The following SF3B1 variants were observed in gnomAD, a reference collection of about 807,000 sequenced individuals.
The protein encoded by SF3B1 is splicing factor 3b subunit 1.
SF3B1 carries 12 observed loss-of-function variants against 153.8 expected under a neutral mutation model. That is an observed-to-expected ratio of 0.08 (90% CI 0.05 to 0.13). SF3B1 has a LOEUF of 0.13. SF3B1 is among the 10% of genes least tolerant of loss of function. SF3B1 has a pLI of 1.00. For missense variants in SF3B1, 513 were observed against 1,606.1 expected, an observed-to-expected ratio of 0.32 and a Z score of 11.63; for synonymous variants, 498 against 525.2, an observed-to-expected ratio of 0.95 and a Z score of 0.71.
intron 11 of SF3B1, 106 bp from the exon 12 acceptor site, chr2:197,403,870 A>G: frequency 1.3e-6 from 1 of 778,232 alleles, no homozygotes; most frequent in South Asian, 1.9e-5. Flanking sequence ...TTTAGTGTTT[A>G]CTTTTACACA....
At chr2:197,417,875 T>C (rs1429943678) in intron 5 of SF3B1, among the ~76,000 whole-genome samples, 1 of 152,102 alleles carries the variant, frequency 6.6e-6, no homozygotes, top group Non-Finnish European at 1.5e-5. Flanking sequence ...AATCTCACAC[T>C]GAACTCTGAC....
chr2:197,433,678 C>T (rs1180223293), intron 1 of SF3B1, among the ~76,000 whole-genome samples: 3 of 152,208 alleles, frequency 2.0e-5, no homozygotes, highest in African/African-American at 7.2e-5. Context: ...CTCTGGGTGA[C>T]CCAACTATTC....
chr2:197,411,395 C>T (rs563627971), intron 6 of SF3B1, among the ~76,000 whole-genome samples: 2 of 151,434 alleles, frequency 1.3e-5, no homozygotes, highest in South Asian at 4.2e-4. Context: ...AGCTCTTGGC[C>T]GGGTGCGGTG....
chr2:197,414,764 C>T (rs1013846319), intron 6 of SF3B1, among the ~76,000 whole-genome samples: 1 of 152,044 alleles, frequency 6.6e-6, no homozygotes, highest in African/African-American at 2.4e-5. Flanking sequence ...CAGCACTTTG[C>T]AAGGCTGAGG....
At chr2:197,431,726 T>C (rs1351451640) in intron 1 of SF3B1, among the ~76,000 whole-genome samples, 1 of 152,156 alleles carries the variant, frequency 6.6e-6, no homozygotes, top group Non-Finnish European at 1.5e-5. Context: ...CTCAGCTTTT[T>C]CATTAAACAA....
At chr2:197,408,919 T>C (rs2085028498) in intron 7 of SF3B1, among the ~76,000 whole-genome samples, 1 of 151,996 alleles carries the variant, frequency 6.6e-6, no homozygotes, top group Non-Finnish European at 1.5e-5. Context: ...CAAGACTCCA[T>C]CTCAACAACA....
At position 197,392,429 on chromosome 2, in the gene SF3B1, A is replaced by G. The variant is rs2105973778; in HGVS notation, c.3789T>C (p.Asp1263=). 3.1e-6 allele frequency: 5 copies of G among 1,610,468 alleles called. No individual in the cohort carries two copies. Among genetic ancestry groups the G allele is most frequent in the Non-Finnish European group, 4.2e-6 (5 of 1,177,778 alleles). ...GLFHPARKVR[D]VYWKIYNSIY... Reference sequence around the variant, plus strand: ...TGGAGTTGTAAATTTTCCAATATACATCTCTGACTTTCCGGGCTGGGTGAA... The same window carrying G: ...TGGAGTTGTAAATTTTCCAATATACGTCTCTGACTTTCCGGGCTGGGTGAA... Residue 1263 remains aspartate (D), a synonymous_variant, in exon 25 of 25, where the codon GAT becomes GAC. Transcript: ENST00000335508.
At chr2:197,425,190 G>A (rs1462621299) in intron 1 of SF3B1, among the ~76,000 whole-genome samples, 1 of 152,144 alleles carries the variant, frequency 6.6e-6, no homozygotes. Context: ...ATTAGGCCGG[G>A]CGCAGTGGCT....
intron 1 of SF3B1, among the ~76,000 whole-genome samples, chr2:197,426,769 T>C (rs1300612181): frequency 1.3e-5 from 2 of 152,152 alleles, no homozygotes; most frequent in Non-Finnish European, 2.9e-5. Context: ...CTATTTTACC[T>C]GGCCCTTCAC....
At chr2:197,398,721 G>C in intron 20 of SF3B1, 140 bp from the exon 21 acceptor site, 1 of 760,272 alleles carries the variant, frequency 1.3e-6, no homozygotes, top group South Asian at 1.9e-5. Flanking sequence ...CCCAGATTCT[G>C]ACCAGACTCA....
intron 1 of SF3B1, among the ~76,000 whole-genome samples, chr2:197,428,562 T>C (rs998002335): frequency 3.9e-5 from 6 of 152,106 alleles, no homozygotes; most frequent in African/African-American, 1.4e-4. Flanking sequence ...AATATGCAAA[T>C]AGATCATTTC....
chr2:197,414,401 A>G (rs2085117443), intron 6 of SF3B1, among the ~76,000 whole-genome samples: 1 of 152,160 alleles, frequency 6.6e-6, no homozygotes, highest in Non-Finnish European at 1.5e-5. Flanking sequence ...CAGCACTACT[A>G]TAACACCCCA....
intron 9 of SF3B1, among the ~76,000 whole-genome samples, chr2:197,407,325 C>T (rs1574533618): frequency 6.6e-6 from 1 of 152,150 alleles, no homozygotes; most frequent in Middle Eastern, 3.4e-3. Context: ...GATAAAAAGG[C>T]CAGGCACGGT....
At chr2:197,427,352 G>A (rs1218816464) in intron 1 of SF3B1, among the ~76,000 whole-genome samples, 2 of 152,168 alleles carry the variant, frequency 1.3e-5, no homozygotes, top group Non-Finnish European at 2.9e-5. Context: ...AGTCCAAACA[G>A]CTTAATGGGC....
chr2:197,424,125 A>G, intron 1 of SF3B1, 151 bp from the exon 2 acceptor site: 2 of 686,276 alleles, frequency 2.9e-6, no homozygotes, highest in Admixed American at 3.3e-5. Flanking sequence ...TAATCACAAC[A>G]GCGTAAGCAA....
At position 197,401,063 on chromosome 2, in the gene SF3B1, T is replaced by C. The variant is rs1346847936; in HGVS notation, c.2497-127A>G. 20 of 640,148 alleles carry C rather than the reference T, an allele frequency of 3.1e-5. No homozygotes were observed. The highest frequency in any genetic ancestry group is 4.8e-5 in the Non-Finnish European group (18 of 373,846). 39.7% of individuals were successfully genotyped at this position (640,148 alleles called of 1,614,324 possible). On this transcript the variant is annotated intron_variant, in intron 17 of 24. Transcript: ENST00000335508. The surrounding 1 kb of genome is among the most constrained non-coding windows in gnomAD (Gnocchi z 4.2). ...TAATAAACATGGTAAGAATGATTCA[T>C]TGCTACTTATTAAAGTTGAAGAGAA...
chr2:197,421,791 A>G (rs897482475), intron 2 of SF3B1, among the ~76,000 whole-genome samples: 2 of 152,160 alleles, frequency 1.3e-5, no homozygotes, highest in Non-Finnish European at 2.9e-5. Context: ...CAGCCTGGGC[A>G]ACATGGTGAA....
At chr2:197,420,960 T>A (rs113280079) in intron 3 of SF3B1, 69 bp downstream of exon 3, 10 of 930,648 alleles carry the variant, frequency 1.1e-5, no homozygotes, top group African/African-American at 8.5e-5. Context: ...AATTTATGGA[T>A]TTCTATGGGA....
intron 1 of SF3B1, among the ~76,000 whole-genome samples, chr2:197,425,728 G>A (rs1008280109): frequency 6.6e-6 from 1 of 152,024 alleles, no homozygotes; most frequent in East Asian, 1.9e-4. Context: ...AGGCAGACGC[G>A]GTAGCTCACG....
Sources: allele counts gnomAD v4.1 joint callset (sites outside exome capture counted in the v4.1 genomes callset), GRCh38; gene constraint gnomAD v4.1.1; non-coding constraint Gnocchi (gnomAD v3.1); transcripts MANE v1.5; gene names NCBI Gene and HGNC (gene_info 2026-07-23, HGNC 2026-07-21).